Variants in BTN1A1 observed in about 807,000 individuals in gnomAD.
BTN1A1 encodes the protein butyrophilin subfamily 1 member A1, also known as bK14H9.2 (butyrophilin, subfamily 1, member A1).
BTN1A1 carries 26 observed loss-of-function variants against 33.1 expected under a neutral mutation model. That is an observed-to-expected ratio of 0.79 (90% CI 0.58 to 1.09). BTN1A1 has a LOEUF of 1.09. Among genes scored for constraint, BTN1A1 ranks in the 50% least tolerant of loss-of-function variants. The probability of loss-of-function intolerance (pLI) is 0.00; values close to 1 mark genes in which losing one functional copy is unlikely to be tolerated. For synonymous variants in BTN1A1, 235 were observed against 256.2 expected (o/e 0.92, Z 0.79); for missense variants, 558 against 655.7 (o/e 0.85, Z 1.63).
chr6:26,508,028 C>A (rs759124028), intron 6 of BTN1A1, 33 bp from the exon 7 acceptor site: 1 of 1,613,040 alleles, frequency 6.2e-7, no homozygotes, highest in South Asian at 1.1e-5. Context: ...TATTATATAA[C>A]CTGTCAATGA....
intron 3 of BTN1A1, among the ~76,000 whole-genome samples, chr6:26,503,362 C>A (rs1763828030): frequency 6.6e-6 from 1 of 151,678 alleles, no homozygotes; most frequent in African/African-American, 2.4e-5. Flanking sequence ...TACCTGTAAT[C>A]CCAGCTACTC....
At position 26,501,647 on chromosome 6, in the gene BTN1A1, C is replaced by T. The variant is rs775266735; in HGVS notation, c.137C>T (p.Ala46Val). The T allele has an allele frequency of 1.1e-5, 17 of 1,613,956 alleles. No homozygotes were observed. Among genetic ancestry groups the T allele is most frequent in the Non-Finnish European group, 1.4e-5 (17 of 1,179,996 alleles). Residue 46 changes from alanine (A) to valine (V), a missense_variant, in exon 3 of 8, where the codon GCC (alanine) becomes GTC (valine). Physicochemically the swap from Ala to Val is moderately conservative, Grantham distance 64. Coordinates refer to ENST00000684113, the MANE Select transcript of BTN1A1 (RefSeq NM_001732.3). This position sits in a 1 kb window ranked among gnomAD's most constrained non-coding sequence, Gnocchi z 5.2. ...ATCCTGGCCGTTGTGGGTGAGGACG[C>T]CGAGCTGCCCTGTCGCCTGTCTCCG... ...EPILAVVGED[A>V]ELPCRLSPNA... is the part of the protein sequence containing the mutation.
In BTN1A1 at chr6:26,506,766, A is replaced by G. The variant is rs753861312; in HGVS notation, c.793A>G (p.Ile265Val). The G allele has an allele frequency of 1.2e-6, 2 of 1,614,092 alleles. No individual in the cohort carries two copies. The highest frequency in any genetic ancestry group is 1.7e-6 in the Non-Finnish European group (2 of 1,179,996). ...TCTAGGACTTCTCACCATTGGGTCC[A>G]TATTTTTCACTTGGAGACTATACAA... is the stretch of plus-strand genomic sequence containing the variant. ...MVLGLLTIGS[I>V]FFTWRLYNER... Residue 265 changes from isoleucine (I) to valine (V), a missense_variant, in exon 5 of 8, where the codon ATA (isoleucine) becomes GTA (valine). Transcript: ENST00000684113.
chr6:26,508,427 C>T, intron 7 of BTN1A1, 74 bp from the exon 8 acceptor site: 1 of 1,472,986 alleles, frequency 6.8e-7, no homozygotes, highest in Non-Finnish European at 9.2e-7. Context: ...TGTTCTGTTT[C>T]TTAGGAGAAG....
intron 6 of BTN1A1, 37 bp from the exon 7 acceptor site, chr6:26,508,024 A>G (rs1288875396): frequency 2.5e-6 from 4 of 1,612,884 alleles, no homozygotes; most frequent in Non-Finnish European, 1.7e-6. Flanking sequence ...CTCTTATTAT[A>G]TAACCTGTCA....
In BTN1A1 at chr6:26,501,617, A is replaced by G; in HGVS notation, c.107A>G (p.Glu36Gly). The change falls in exon 3 of 8, where the codon GAG becomes GGG. Residue 36 changes from glutamate (E) to glycine (G), a missense_variant. By Grantham distance (98) the Glu-to-Gly change is moderately conservative. Transcript: ENST00000684113. The surrounding 1 kb of genome is among the most constrained non-coding windows in gnomAD (Gnocchi z 5.2). The stretch of plus-strand genomic sequence containing the variant: ...CCCTTTGACGTGATTGGACCCCCGG[A>G]GCCCATCCTGGCCGTTGTGGGTGAG... Reference protein sequence around the residue: ...SAPFDVIGPPEPILAVVGEDA... With the variant: ...SAPFDVIGPPGPILAVVGEDA... 1 of 1,613,722 alleles carries G rather than the reference A, an allele frequency of 6.2e-7. No homozygotes were observed. The highest frequency in any genetic ancestry group is 8.5e-7 in the Non-Finnish European group (1 of 1,179,946).
chr6:26,507,176 G>A (rs1312280744), intron 5 of BTN1A1, among the ~76,000 whole-genome samples: 1 of 152,120 alleles, frequency 6.6e-6, no homozygotes, highest in Non-Finnish European at 1.5e-5. Flanking sequence ...AGCCGAGATC[G>A]TGCCATTGCA....
rs142160399 is a variant in BTN1A1 at position 26,505,154 on chromosome 6, C to T, written c.657C>T (p.Tyr219=). Residue 219 remains tyrosine, a synonymous_variant, in exon 4 of 8, where the codon TAC becomes TAT. Transcript: ENST00000684113. ...CTTCTGCGAAAAATGTGTCCTGCTA[C>T]ATCCAGAATCTCCTTCTTGGCCAGG... ...RDTSAKNVSC[Y]IQNLLLGQEK... The T allele has an allele frequency of 1.9e-5, 30 of 1,613,776 alleles. No individual in the cohort carries two copies. The highest frequency in any genetic ancestry group is 2.4e-5 in the Non-Finnish European group (28 of 1,179,776).
At chr6:26,502,260 G>A (rs1358742685) in intron 3 of BTN1A1, among the ~76,000 whole-genome samples, 1 of 152,230 alleles carries the variant, frequency 6.6e-6, no homozygotes, top group Non-Finnish European at 1.5e-5. Context: ...GCTGTCTGTT[G>A]AAGATGGCTT....
At position 26,505,234 on chromosome 6, in the gene BTN1A1, C is replaced by T. The variant is rs536052205; in HGVS notation, c.709+28C>T. ...TAGTGGAACCAATGCTGCTGGATTC[C>T]TATGTTGACACAGCTTCAGAGCCAC... On this transcript the variant is annotated intron_variant, in intron 4 of 7. Coordinates refer to ENST00000684113, the MANE Select transcript of BTN1A1 (RefSeq NM_001732.3). 4.0e-5 allele frequency: 64 copies of T among 1,599,714 alleles called. 1 individual carries two copies. The South Asian group carries it at 6.8e-4, about 17-fold the overall frequency.
Position 26,505,125 on chromosome 6 carries a change from G to A in BTN1A1, c.628G>A (p.Asp210Asn). The A allele has an allele frequency of 6.2e-7, 1 of 1,614,054 alleles. No homozygotes were observed. The highest frequency in any genetic ancestry group is 1.1e-5 in the South Asian group (1 of 91,074). The stretch of plus-strand genomic sequence containing the variant: ...TGTGGCTGCTTCAGTGATCATCAGA[G>A]ACACTTCTGCGAAAAATGTGTCCTG... ...FTVAASVIIR[D>N]TSAKNVSCYI... Residue 210 changes from aspartate to asparagine, a missense_variant, in exon 4 of 8, where the codon GAC becomes AAC. Asp to Asn is a conservative substitution (Grantham distance 23). Transcript: ENST00000684113.
chr6:26,505,962 C>T (rs142243995), intron 4 of BTN1A1, among the ~76,000 whole-genome samples: 3,570 of 151,752 alleles, frequency 0.024, 70 homozygotes, highest in African/African-American at 0.065. Flanking sequence ...ACTAAAAATA[C>T]AAAAAAATTA....
At chr6:26,508,473 G>A (rs375023084) in intron 7 of BTN1A1, 28 bp from the exon 8 acceptor site, 3 of 1,588,408 alleles carry the variant, frequency 1.9e-6, no homozygotes, top group South Asian at 2.3e-5. Flanking sequence ...ATTCACTGAT[G>A]TCAGACCTGC....
chr6:26,504,867 T>G, intron 3 of BTN1A1, 58 bp from the exon 4 acceptor site: 1 of 1,545,352 alleles, frequency 6.5e-7, no homozygotes, highest in Non-Finnish European at 8.9e-7. Context: ...AGCTCTCTGG[T>G]TATAAGGCTC....
chr6:26,505,960 T>C (rs1482152889), intron 4 of BTN1A1, among the ~76,000 whole-genome samples: 1 of 151,592 alleles, frequency 6.6e-6, no homozygotes, highest in African/African-American at 2.4e-5. Flanking sequence ...CTACTAAAAA[T>C]ACAAAAAAAT....
intron 3 of BTN1A1, among the ~76,000 whole-genome samples, chr6:26,503,154 A>C (rs1581428614): frequency 6.6e-6 from 1 of 151,810 alleles, no homozygotes; most frequent in Non-Finnish European, 1.5e-5. Context: ...TTGCCACTGC[A>C]CTCCAGCCTG....
chr6:26,503,521 G>A (rs1763829857), intron 3 of BTN1A1, among the ~76,000 whole-genome samples: 1 of 150,802 alleles, frequency 6.6e-6, no homozygotes, highest in African/African-American at 2.4e-5. Context: ...AAATGACCTC[G>A]CCAATTCTAA....
intron 3 of BTN1A1, among the ~76,000 whole-genome samples, chr6:26,503,710 A>G (rs1012899391): frequency 2.6e-5 from 4 of 151,050 alleles, no homozygotes; most frequent in Admixed American, 6.6e-5. Context: ...AGTTTGAAAA[A>G]TACTTGGGTG....
At position 26,509,286 on chromosome 6, in the gene BTN1A1, T is replaced by G; in HGVS notation, c.*112T>G. ...CTGTTTCTTCCTGTTGGGTGGCAAT[T>G]AATTAATCCTGTGAAGGTTACATTG... On this transcript the variant is annotated 3_prime_UTR_variant, in exon 8 of 8. Coordinates refer to ENST00000684113, the MANE Select transcript of BTN1A1 (RefSeq NM_001732.3). The G allele has an allele frequency of 9.8e-7, 1 of 1,022,300 alleles. No homozygotes were observed. Among genetic ancestry groups the G allele is most frequent in the South Asian group, 1.6e-5 (1 of 63,002 alleles). The allele number at this position is 1,022,300 out of a possible 1,614,324, so 63.3% of individuals were successfully genotyped here. A position where few individuals can be genotyped will look rare whatever the true frequency, so the allele number is the denominator to read the frequency against.
Sources: gnomAD v4.1 joint callset for allele counts (sites outside exome capture counted in the v4.1 genomes callset) on GRCh38, gnomAD v4.1.1 for gene constraint, Gnocchi (gnomAD v3.1) non-coding constraint, MANE v1.5 for transcripts, NCBI Gene and HGNC (gene_info 2026-07-23, HGNC 2026-07-21) for gene names.